TRIO: variants seen among roughly 807,000 people sequenced by gnomAD.
TRIO encodes the protein triple functional domain protein.
In TRIO, 58 loss-of-function variants were observed where a neutral mutation model predicts 351.9. That is an observed-to-expected ratio of 0.16 (90% CI 0.13 to 0.21). The LOEUF is 0.21. TRIO is among the 10% of genes least tolerant of loss of function. The pLI is 1.00. For synonymous variants in TRIO, 1,758 were observed against 1,595.7 expected, an observed-to-expected ratio of 1.10 and a Z score of -2.42; for missense variants, 3,201 against 4,027.8, an observed-to-expected ratio of 0.79 and a Z score of 5.56.
intron 8 of TRIO, among the ~76,000 whole-genome samples, chr5:14,311,226 G>A (rs891428388): frequency 3.9e-4 from 60 of 152,204 alleles, no homozygotes; most frequent in African/African-American, 1.4e-3. Flanking sequence ...ACTGACTCAC[G>A]CCAACTGGGC....
At chr5:14,322,066 A>G (rs941529349) in intron 9 of TRIO, among the ~76,000 whole-genome samples, 1 of 152,110 alleles carries the variant, frequency 6.6e-6, no homozygotes, top group African/African-American at 2.4e-5. Context: ...CCTGCAAGTC[A>G]TGGGTGAGTA....
chr5:14,498,381 C>T lies in TRIO; in HGVS notation c.8210+130C>T, dbSNP rs745755102. On this transcript the variant is annotated intron_variant, in intron 52 of 56. Transcript: ENST00000344204. ...CGGCACTCCACTTCTTCCGTGAGAG[C>T]CCATTTCACGCCTGGGTGTACAGCT... 3.7e-4 allele frequency: 556 copies of T among 1,503,386 alleles called. 1 individual carries two copies. Among genetic ancestry groups the T allele is most frequent in the Middle Eastern group, 1.8e-3 (8 of 4,366 alleles). 93.1% of individuals were successfully genotyped at this position (1,503,386 alleles called of 1,614,324 possible). A position where few individuals can be genotyped will look rare whatever the true frequency, so the allele number is the denominator to read the frequency against.
At chr5:14,343,027 A>T (rs1214861467) in intron 11 of TRIO, among the ~76,000 whole-genome samples, 1 of 151,714 alleles carries the variant, frequency 6.6e-6, no homozygotes, top group Non-Finnish European at 1.5e-5. Context: ...ATCTTTAAAC[A>T]TACTCCCTAG....
At position 14,350,217 on chromosome 5, in the gene TRIO, T is replaced by C. The variant is rs532411701; in HGVS notation, c.2047-7961T>C. The stretch of plus-strand genomic sequence containing the variant: ...GCAGGCTGTGAGAACATGGGCACGA[T>C]CTGCAGGTATTTGAAGACTTGCCAC... On this transcript the variant is annotated intron_variant, in intron 11 of 56. Coordinates refer to ENST00000344204, the MANE Select transcript of TRIO (RefSeq NM_007118.4). Among the ~76,000 whole-genome samples the C allele has an allele frequency of 1.1e-4, 17 of 152,236 alleles. No individual in the cohort carries two copies. In the East Asian group the frequency reaches 3.3e-3, roughly 29 times the overall value.
At chr5:14,162,312 G>A (rs921729808) in intron 1 of TRIO, among the ~76,000 whole-genome samples, 2 of 152,178 alleles carry the variant, frequency 1.3e-5, no homozygotes, top group African/African-American at 4.8e-5. Context: ...TCACTGTGTT[G>A]CCATAGAGAT....
At chr5:14,346,724 C>T (rs1332535553) in intron 11 of TRIO, among the ~76,000 whole-genome samples, 1 of 152,200 alleles carries the variant, frequency 6.6e-6, no homozygotes, top group Non-Finnish European at 1.5e-5. Context: ...AGGCATTTGA[C>T]CAGGCCTTTC....
intron 1 of TRIO, among the ~76,000 whole-genome samples, chr5:14,233,455 A>G (rs763844643): frequency 7.2e-5 from 11 of 151,920 alleles, no homozygotes; most frequent in Non-Finnish European, 1.6e-4. Flanking sequence ...GCACCACTGC[A>G]TTCCAGCCTG....
rs2126635087 is a variant in TRIO at position 14,487,568 on chromosome 5, C to T, written c.6940C>T (p.Pro2314Ser). Residue 2314 changes from proline (P) to serine (S), a missense_variant, in exon 48 of 57, where the codon CCC (proline) becomes TCC (serine). Transcript: ENST00000344204. ...GGGGSGGGGA[P>S]SGGSGHSGGP... ...TGGGGGCAGCGGCGGCGGCGGGGCC[C>T]CCAGTGGCGGCAGCGGCCACAGTGG... is the stretch of plus-strand genomic sequence containing the variant. The T allele has an allele frequency of 8.9e-7, 1 of 1,122,684 alleles. No homozygotes were observed. Among genetic ancestry groups the T allele is most frequent in the Middle Eastern group, 3.8e-4 (1 of 2,652 alleles). 69.5% of individuals were successfully genotyped at this position (1,122,684 alleles called of 1,614,324 possible).
intron 1 of TRIO, among the ~76,000 whole-genome samples, chr5:14,266,447 A>G (rs1246908110): frequency 2.6e-5 from 4 of 152,216 alleles, no homozygotes; most frequent in Non-Finnish European, 5.9e-5. Flanking sequence ...TGGCTGATCT[A>G]GAGAAAAAGA....
intron 1 of TRIO, among the ~76,000 whole-genome samples, chr5:14,237,450 A>T (rs764549365): frequency 1.2e-4 from 19 of 152,198 alleles, no homozygotes; most frequent in Non-Finnish European, 1.9e-4. Flanking sequence ...GGCCCGTAAG[A>T]AATGGCTTGC....
At chr5:14,220,058 T>G (rs1350999333) in intron 1 of TRIO, among the ~76,000 whole-genome samples, 1 of 151,172 alleles carries the variant, frequency 6.6e-6, no homozygotes, top group African/African-American at 2.4e-5. Context: ...TCTTTTTTTT[T>G]TTTTTTAAAA....
intron 34 of TRIO, among the ~76,000 whole-genome samples, chr5:14,439,271 C>T (rs1261452360): frequency 6.6e-6 from 1 of 152,208 alleles, no homozygotes; most frequent in African/African-American, 2.4e-5. Flanking sequence ...GCCTCAGCCT[C>T]CCAAAGTGTT....
At chr5:14,453,994 A>G (rs994832946) in intron 34 of TRIO, among the ~76,000 whole-genome samples, 3 of 152,052 alleles carry the variant, frequency 2.0e-5, no homozygotes, top group Non-Finnish European at 4.4e-5. Context: ...CGGTGGCACA[A>G]TTCTGGCTCA....
chr5:14,431,435 AG>A (rs1407550853), intron 34 of TRIO, among the ~76,000 whole-genome samples: 1 of 152,238 alleles, frequency 6.6e-6, no homozygotes, highest in Non-Finnish European at 1.5e-5. Context: ...GACAGTAAAC[AG>A]GCTCGTTTGC....
intron 1 of TRIO, among the ~76,000 whole-genome samples, chr5:14,160,109 G>T (rs1329115274): frequency 6.6e-6 from 1 of 152,162 alleles, no homozygotes; most frequent in Admixed American, 6.5e-5. Flanking sequence ...TTTATTTTGG[G>T]CACAGTCCCT....
At chr5:14,265,437 A>G (rs1007507649) in intron 1 of TRIO, among the ~76,000 whole-genome samples, 10 of 152,348 alleles carry the variant, frequency 6.6e-5, no homozygotes, top group African/African-American at 2.2e-4. Flanking sequence ...CCTATGTTTT[A>G]CTTAAAAAAT....
intron 1 of TRIO, among the ~76,000 whole-genome samples, chr5:14,149,024 G>A (rs1266460164): frequency 1.3e-5 from 2 of 152,214 alleles, no homozygotes; most frequent in African/African-American, 4.8e-5. Context: ...CCTTGCACTT[G>A]GGAATTCTGG....
intron 36 of TRIO, among the ~76,000 whole-genome samples, chr5:14,463,255 A>G (rs915014911): frequency 2.0e-5 from 3 of 152,242 alleles, no homozygotes; most frequent in Non-Finnish European, 4.4e-5. Flanking sequence ...GAACAATCAG[A>G]GATATCCCAT....
intron 47 of TRIO, among the ~76,000 whole-genome samples, 182 bp from the exon 48 acceptor site, chr5:14,487,282 C>T (rs971773659): frequency 6.6e-6 from 1 of 152,048 alleles, no homozygotes; most frequent in African/African-American, 2.4e-5. Context: ...TGCACTCAGC[C>T]GGCATCCCAA....
Sources: gnomAD v4.1 joint callset for allele counts (sites outside exome capture counted in the v4.1 genomes callset) on GRCh38, gnomAD v4.1.1 for gene constraint, MANE v1.5 for transcripts, NCBI Gene and HGNC (gene_info 2026-07-23, HGNC 2026-07-21) for gene names.